WTAP: variants seen among roughly 807,000 people sequenced by gnomAD.
WTAP encodes WT1 associated protein.
In WTAP, 8 loss-of-function variants were observed where a neutral mutation model predicts 50.0. That is an observed-to-expected ratio of 0.16 (90% CI 0.09 to 0.29). The LOEUF (loss-of-function observed/expected upper bound fraction) is 0.29, where lower values mean the gene tolerates loss of function less well. Among genes scored for constraint, WTAP ranks in the 10% least tolerant of loss-of-function variants. The pLI is 1.00. For synonymous variants in WTAP, 194 were observed against 169.0 expected, an observed-to-expected ratio of 1.15 and a Z score of -1.15; for missense variants, 295 against 470.7, an observed-to-expected ratio of 0.63 and a Z score of 3.45.
intron 6 of WTAP, chr6:159,749,498 C>G: frequency 1.1e-6 from 1 of 941,742 alleles, no homozygotes; most frequent in African/African-American, 1.8e-5. Context: ...TAATTTGGGG[C>G]GGGGAGGGCC....
chr6:159,734,316 A>G (rs557437958), intron 1 of WTAP, among the ~76,000 whole-genome samples: 2 of 151,522 alleles, frequency 1.3e-5, no homozygotes, highest in Admixed American at 6.6e-5. Context: ...ACCAGCCTCA[A>G]GTAGCTTTCG....
chr6:159,749,000 A>G lies in WTAP; in HGVS notation c.452+631A>G. 1 of 1,023,474 alleles carries G rather than the reference A, an allele frequency of 9.8e-7. No individual in the cohort carries two copies. Among genetic ancestry groups the G allele is most frequent in the Non-Finnish European group, 1.2e-6 (1 of 855,180 alleles). 63.4% of individuals were successfully genotyped at this position (1,023,474 alleles called of 1,614,324 possible). A position where few individuals can be genotyped will look rare whatever the true frequency, so the allele number is the denominator to read the frequency against. On this transcript the variant is annotated intron_variant, in intron 6 of 7. Transcript: ENST00000621533. This position sits in a 1 kb window ranked among gnomAD's most constrained non-coding sequence, Gnocchi z 5.6. ...CTTTCAATAGTCATGAGAGAATCAA[A>G]TAATAGATGTCCGTACAAGTAGCGC...
In WTAP at chr6:159,727,816, G is replaced by C. The variant is rs917306660; in HGVS notation, c.-9+113G>C. Reference sequence around the variant, plus strand: ...CGGGCAGGGCCCGAAAGGCCACACGGGCCTGGTGCGGCACCGGTCTCTCGT... The same window carrying C: ...CGGGCAGGGCCCGAAAGGCCACACGCGCCTGGTGCGGCACCGGTCTCTCGT... On this transcript the variant is annotated intron_variant, in intron 1 of 7. Coordinates refer to ENST00000621533, the MANE Select transcript of WTAP (RefSeq NM_001270531.2). 71 of 734,596 alleles carry C rather than the reference G, an allele frequency of 9.7e-5. 3 individuals are homozygous for C. In the Admixed American group the frequency reaches 4.3e-3, roughly 45 times the overall value. The allele number at this position is 734,596 out of a possible 1,614,324, so 45.5% of individuals were successfully genotyped here.
At chr6:159,727,401 G>GAGGCAGT (rs772525335), upstream of WTAP, 38 of 1,208,282 alleles carry the variant, frequency 3.1e-5, no homozygotes, top group Admixed American at 5.2e-5. Flanking sequence ...CGGGAGGCGG[G>GAGGCAGT]AGGCAGTGGC....
At chr6:159,747,066 A>G (rs1779618589) in intron 5 of WTAP, among the ~76,000 whole-genome samples, 1 of 152,186 alleles carries the variant, frequency 6.6e-6, no homozygotes, top group African/African-American at 2.4e-5. Context: ...TATATTCCCA[A>G]ACCACTTAGT....
chr6:159,731,623 A>G (rs1462434834), intron 1 of WTAP, among the ~76,000 whole-genome samples: 1 of 152,224 alleles, frequency 6.6e-6, no homozygotes, highest in Non-Finnish European at 1.5e-5. Flanking sequence ...AGGTTTTTCA[A>G]GAAACACTGA....
Position 159,748,076 on chromosome 6 carries a change from A to AGGG in WTAP, c.274-113_274-111dup, listed in dbSNP as rs1779682845. 6.3e-6 allele frequency: 8 copies of AGGG among 1,272,846 alleles called. No individual in the cohort carries two copies. In the South Asian group the frequency reaches 1.1e-4, roughly 18 times the overall value. The allele number at this position is 1,272,846 out of a possible 1,614,324, so 78.8% of individuals were successfully genotyped here. A position where few individuals can be genotyped will look rare whatever the true frequency, so the allele number is the denominator to read the frequency against. Reference sequence around the variant, plus strand: ...TTTCTAGAGAATTTCAGGATCAAAGAGGGGAGGAGCTTAATGAAAGAGTTG... The same window carrying AGGG: ...TTTCTAGAGAATTTCAGGATCAAAGAGGGGGGGAGGAGCTTAATGAAAGAGTTG... On this transcript the variant is annotated intron_variant, in intron 5 of 7. Transcript: ENST00000621533. This position sits in a 1 kb window ranked among gnomAD's most constrained non-coding sequence, Gnocchi z 5.6.
At chr6:159,727,259 C>T (rs1369427250), upstream of WTAP, 2 of 1,283,540 alleles carry the variant, frequency 1.6e-6, no homozygotes, top group South Asian at 1.2e-5. Context: ...GGCCTCCCTC[C>T]CTTCACCTTT....
chr6:159,727,106 C>T, upstream of WTAP: 1 of 1,193,550 alleles, frequency 8.4e-7, no homozygotes, highest in South Asian at 1.5e-5. Context: ...TGGCCCGCCC[C>T]TCCCCTCGGC....
intron 6 of WTAP, among the ~76,000 whole-genome samples, chr6:159,752,627 GGAT>G (rs1562467248): frequency 2.0e-5 from 3 of 152,032 alleles, no homozygotes; most frequent in Admixed American, 6.6e-5. Context: ...TGTGTCAAAA[GGAT>G]GATCTTTTCC....
chr6:159,733,619 CAAAA>C (rs572744439), intron 1 of WTAP, among the ~76,000 whole-genome samples: 1 of 112,404 alleles, frequency 8.9e-6, no homozygotes, highest in South Asian at 2.7e-4. Context: ...GAGACTGTCT[CAAAA>C]AAAAAAAAAA....
intron 2 of WTAP, 169 bp downstream of exon 2, chr6:159,736,464 T>G: frequency 1.8e-6 from 1 of 546,274 alleles, no homozygotes; most frequent in Admixed American, 3.3e-5. Flanking sequence ...TGCCAGATAT[T>G]GTATCTTATA....
upstream of WTAP, chr6:159,727,251 C>T (rs1562446581): frequency 3.1e-6 from 4 of 1,282,492 alleles, no homozygotes; most frequent in Admixed American, 2.3e-5. Flanking sequence ...AGGCCGACGG[C>T]CTCCCTCCCT....
At chr6:159,751,652 C>CGTGA (rs1779825243) in intron 6 of WTAP, among the ~76,000 whole-genome samples, 1 of 152,240 alleles carries the variant, frequency 6.6e-6, no homozygotes, top group African/African-American at 2.4e-5. Flanking sequence ...TTACCACATG[C>CGTGA]TCACTGGTGG....
intron 2 of WTAP, 124 bp from the exon 3 acceptor site, chr6:159,738,866 C>T: frequency 1.7e-6 from 1 of 585,568 alleles, no homozygotes. Context: ...AATACTTTTT[C>T]AAAAAATCAT....
In WTAP at chr6:159,743,677, C is replaced by G; in HGVS notation, c.158C>G (p.Thr53Ser). 4 of 1,596,744 alleles carry G rather than the reference C, an allele frequency of 2.5e-6. No homozygotes were observed. The highest frequency in any genetic ancestry group is 1.8e-5 in the Admixed American group (1 of 56,970). Residue 53 changes from threonine to serine, a missense_variant, in exon 5 of 8, where the codon ACT becomes AGT. Around this residue, in one of 2 missense-constraint regions of WTAP, gnomAD observed 120 missense variants for 287.6 expected, o/e 0.42. Transcript: ENST00000621533. ...KYTDLNSNDV[T>S]GLRESEEKLK... ...TTTGAATCATCAGCTAATGATGTAA[C>G]TGGCCTAAGAGAGTCTGAAGAAAAA...
intron 3 of WTAP, among the ~76,000 whole-genome samples, chr6:159,739,824 C>CTTTTTTTTTTTTTTTTTTTTTTTT (rs56389349): frequency 1.2e-5 from 1 of 85,158 alleles, no homozygotes; most frequent in Non-Finnish European, 2.2e-5. Flanking sequence ...CACTTTTTAC[C>CTTTTTTTTTTTTTTTTTTTTTTTT]TTTTTTTTTT....
At chr6:159,732,847 T>G (rs112804575) in intron 1 of WTAP, among the ~76,000 whole-genome samples, 1,733 of 126,184 alleles carry the variant, frequency 0.014, 28 homozygotes, top group African/African-American at 0.059. Context: ...TCTGTCTGCT[T>G]CTTTCTCTCT....
intron 3 of WTAP, among the ~76,000 whole-genome samples, chr6:159,739,402 ACCTTCACCAGCT>A (rs1779107984): frequency 6.6e-6 from 1 of 152,220 alleles, no homozygotes; most frequent in Non-Finnish European, 1.5e-5. Context: ...TATTAGTGTG[ACCTTCACCAGCT>A]CATATAACTT....
Sources: gnomAD v4.1 joint callset for allele counts (sites outside exome capture counted in the v4.1 genomes callset) on GRCh38, gnomAD v4.1.1 for gene constraint, gnomAD v4.1.1 regional missense constraint, Gnocchi (gnomAD v3.1) non-coding constraint, MANE v1.5 for transcripts, NCBI Gene and HGNC (gene_info 2026-07-23, HGNC 2026-07-21) for gene names.